The following LMO7 variants were observed in gnomAD, a reference collection of about 807,000 sequenced individuals.
LMO7 encodes LIM domain 7, also known as LIM domain only protein 7.
LMO7 carries 120 observed loss-of-function variants against 206.5 expected under a neutral mutation model. The observed-to-expected ratio is 0.58, with a 90% CI of 0.50 to 0.68. The LOEUF is 0.68. Among genes scored for constraint, LMO7 ranks in the 30% least tolerant of loss-of-function variants. The probability of loss-of-function intolerance (pLI) is 0.00; values close to 1 mark genes in which losing one functional copy is unlikely to be tolerated. For missense variants in LMO7, 1,959 were observed against 1,957.9 expected, an observed-to-expected ratio of 1.00 and a Z score of -0.01; for synonymous variants, 706 against 681.5, an observed-to-expected ratio of 1.04 and a Z score of -0.56.
chr13:75,638,790 C>G (rs2036227262), intron 1 of LMO7, among the ~76,000 whole-genome samples: 1 of 152,036 alleles, frequency 6.6e-6, no homozygotes, highest in Non-Finnish European at 1.5e-5. Context: ...ATTGTTCTTG[C>G]CAAAAGAAGC....
chr13:75,741,532 C>T (rs2046412782), intron 3 of LMO7, among the ~76,000 whole-genome samples: 1 of 152,194 alleles, frequency 6.6e-6, no homozygotes, highest in South Asian at 2.1e-4. Flanking sequence ...GCTTATCTAC[C>T]ATGATCAAGC....
chr13:75,807,890 A>T lies in LMO7; in HGVS notation c.1607A>T (p.Asp536Val), dbSNP rs1309560826. Residue 536 changes from aspartate to valine, a missense_variant, in exon 10 of 31, where the codon GAT becomes GTT. Transcript: ENST00000377534. ...KKEVPLSGAP[D>V]RYHPVPFPEP... ...GAAGTGCCGCTGTCTGGGGCCCCAG[A>T]TAGATACCACCCAGTCCCTTTTCCC... The T allele has an allele frequency of 6.2e-7, 1 of 1,614,010 alleles. No individual in the cohort carries two copies.
intron 4 of LMO7, among the ~76,000 whole-genome samples, chr13:75,765,017 T>C (rs1404161333): frequency 6.6e-6 from 1 of 152,166 alleles, no homozygotes; most frequent in East Asian, 1.9e-4. Context: ...GGAACAGTAG[T>C]TGGAATGAAA....
chr13:75,847,140 T>C (rs2060068304), intron 26 of LMO7, among the ~76,000 whole-genome samples: 1 of 152,130 alleles, frequency 6.6e-6, no homozygotes, highest in Non-Finnish European at 1.5e-5. Flanking sequence ...GTCTTGCTCA[T>C]TGCTTAGTGG....
Position 75,808,304 on chromosome 13 carries a change from G to A in LMO7, c.1916+105G>A, listed in dbSNP as rs923733320. ...CGTGTTGCTCAACTCTGCATGTCGCGTGCCATTTTGAAGCATCCCGTAAAA... is the reference window on the plus strand; with the variant it reads ...CGTGTTGCTCAACTCTGCATGTCGCATGCCATTTTGAAGCATCCCGTAAAA... On this transcript the variant is annotated intron_variant, in intron 10 of 30. Coordinates refer to ENST00000377534, the MANE Select transcript of LMO7 (RefSeq NM_001306080.2). 5.8e-5 allele frequency: 76 copies of A among 1,310,216 alleles called. 1 individual carries two copies. Among genetic ancestry groups the A allele is most frequent in the Non-Finnish European group, 7.1e-5 (69 of 974,866 alleles). 81.2% of individuals were successfully genotyped at this position (1,310,216 alleles called of 1,614,324 possible).
intron 1 of LMO7, among the ~76,000 whole-genome samples, chr13:75,679,136 A>G (rs576796586): frequency 6.6e-6 from 1 of 152,326 alleles, no homozygotes; most frequent in East Asian, 1.9e-4. Flanking sequence ...CAGAACACAT[A>G]TATAGAGCAC....
chr13:75,776,162 GATATATATATATATATAT>G (rs58964680), intron 4 of LMO7, among the ~76,000 whole-genome samples: 1,959 of 36,846 alleles, frequency 0.053, 158 homozygotes, highest in South Asian at 0.12. Flanking sequence ...ATATATATCG[GATATATATATATATATAT>G]ATATATATAT....
At chr13:75,761,464 A>G (rs2048216618) in intron 4 of LMO7, among the ~76,000 whole-genome samples, 1 of 152,170 alleles carries the variant, frequency 6.6e-6, no homozygotes, top group African/African-American at 2.4e-5. Context: ...ACAGTAGTAA[A>G]AAAGAATCTC....
Position 75,840,080 on chromosome 13 carries a change from C to T in LMO7, c.3452-5C>T. On this transcript the variant is annotated splice_polypyrimidine_tract_variant and splice_region_variant and intron_variant, in intron 20 of 30. Transcript: ENST00000377534. Reference sequence around the variant, plus strand: ...TTTCTTCCTTGCCCATGTGCTGCAACACAGGAAGCTCTGATTCGGTGGTTC... The same window carrying T: ...TTTCTTCCTTGCCCATGTGCTGCAATACAGGAAGCTCTGATTCGGTGGTTC... 1 of 1,613,784 alleles carries T rather than the reference C, an allele frequency of 6.2e-7. No homozygotes were observed. Among genetic ancestry groups the T allele is most frequent in the African/African-American group, 1.3e-5 (1 of 75,036 alleles).
intron 3 of LMO7, among the ~76,000 whole-genome samples, chr13:75,741,817 A>T (rs1212128068): frequency 6.6e-6 from 1 of 152,182 alleles, no homozygotes; most frequent in African/African-American, 2.4e-5. Flanking sequence ...TTGAAAATTG[A>T]TACAAGACAA....
chr13:75,691,730 C>T (rs2041492650), intron 1 of LMO7, among the ~76,000 whole-genome samples: 1 of 152,164 alleles, frequency 6.6e-6, no homozygotes, highest in African/African-American at 2.4e-5. Flanking sequence ...CTGAAGTGTT[C>T]ACATGGAAAT....
At chr13:75,743,512 T>C (rs1252177481) in intron 3 of LMO7, among the ~76,000 whole-genome samples, 2 of 152,162 alleles carry the variant, frequency 1.3e-5, no homozygotes, top group South Asian at 2.1e-4. Flanking sequence ...TAGAATACTA[T>C]GCAGTCATAA....
intron 4 of LMO7, among the ~76,000 whole-genome samples, chr13:75,769,517 C>T (rs1398720430): frequency 2.0e-5 from 3 of 152,104 alleles, no homozygotes; most frequent in African/African-American, 7.2e-5. Flanking sequence ...CACTCAGTAA[C>T]TCATACTAAC....
At chr13:75,644,074 A>G (rs1163716511) in intron 1 of LMO7, among the ~76,000 whole-genome samples, 2 of 152,130 alleles carry the variant, frequency 1.3e-5, no homozygotes, top group Non-Finnish European at 2.9e-5. Flanking sequence ...AGATCTTTCT[A>G]TGAATATAGC....
intron 19 of LMO7, among the ~76,000 whole-genome samples, chr13:75,836,688 T>A (rs957031052): frequency 1.3e-5 from 2 of 152,160 alleles, no homozygotes; most frequent in African/African-American, 4.8e-5. Context: ...TTCCGGAGCT[T>A]TGAGTGCCTG....
At chr13:75,779,659 A>G (rs920655133) in intron 4 of LMO7, among the ~76,000 whole-genome samples, 9 of 152,230 alleles carry the variant, frequency 5.9e-5, no homozygotes, top group Admixed American at 3.9e-4. Flanking sequence ...GTGCATGTGC[A>G]TGCATTTGTG....
At chr13:75,698,012 T>C (rs1261595016) in intron 1 of LMO7, among the ~76,000 whole-genome samples, 1 of 152,314 alleles carries the variant, frequency 6.6e-6, no homozygotes, top group South Asian at 2.1e-4. Flanking sequence ...CCATTTAATG[T>C]GGCCCTCTTT....
Position 75,859,159 on chromosome 13 carries a change from TAATG to T in LMO7, c.*1217_*1220del, listed in dbSNP as rs1343130449. On this transcript the variant is annotated 3_prime_UTR_variant, in exon 31 of 31. Coordinates refer to ENST00000377534, the MANE Select transcript of LMO7 (RefSeq NM_001306080.2). ...TTAAACTTACTGGAATCTTTTATAA[TAATG>T]TAAGTGGAATGGAGGATTCTAGGAA... The T allele has an allele frequency of 6.6e-6, 1 of 152,200 alleles. No individual in the cohort carries two copies. The highest frequency in any genetic ancestry group is 1.5e-5 in the Non-Finnish European group (1 of 68,026). The allele number at this position is 152,200 out of a possible 1,614,324, so 9.4% of individuals were successfully genotyped here.
intron 6 of LMO7, among the ~76,000 whole-genome samples, chr13:75,798,604 G>C (rs1209547569): frequency 6.6e-6 from 1 of 152,204 alleles, no homozygotes; most frequent in East Asian, 1.9e-4. Context: ...GGGGGTAGCT[G>C]TTAGAGGTAT....
Sources: gnomAD v4.1 joint callset for allele counts (sites outside exome capture counted in the v4.1 genomes callset) on GRCh38, gnomAD v4.1.1 for gene constraint, MANE v1.5 for transcripts, NCBI Gene and HGNC (gene_info 2026-07-23, HGNC 2026-07-21) for gene names.